The following TOPBP1 variants were observed in gnomAD, a reference collection of about 807,000 sequenced individuals.
The protein encoded by TOPBP1 is DNA topoisomerase II binding protein 1.
TOPBP1 carries 28 observed loss-of-function variants against 167.7 expected under a neutral mutation model. That is an observed-to-expected ratio of 0.17 (90% CI 0.12 to 0.23). The LOEUF is 0.23. TOPBP1 is among the 10% of genes least tolerant of loss of function. The probability of loss-of-function intolerance (pLI) is 1.00; values close to 1 mark genes in which losing one functional copy is unlikely to be tolerated. For missense variants in TOPBP1, 1,554 were observed against 1,809.6 expected (o/e 0.86, Z 2.56); for synonymous variants, 598 against 611.4 (o/e 0.98, Z 0.32).
In TOPBP1 at chr3:133,655,316, G is replaced by C. The variant is rs1285413267; in HGVS notation, c.716C>G (p.Thr239Arg). ...YMGQLKMNEC[T>R]HLIVQEPKGQ... The stretch of plus-strand genomic sequence containing the variant: ...TTTTGGTTCTTGCACAATGAGGTGT[G>C]TACATTCATTCATTTTCAATTGTCC... Residue 239 changes from threonine to arginine, a missense_variant, in exon 6 of 28, where the codon ACA becomes AGA. Thr to Arg is a moderately conservative substitution (Grantham distance 71). Coordinates refer to ENST00000260810, the MANE Select transcript of TOPBP1 (RefSeq NM_007027.4). 1 of 1,558,900 alleles carries C rather than the reference G, an allele frequency of 6.4e-7. No individual in the cohort carries two copies. Among genetic ancestry groups the C allele is most frequent in the Non-Finnish European group, 8.7e-7 (1 of 1,153,248 alleles).
chr3:133,631,757 T>C (rs1576297892), intron 14 of TOPBP1, among the ~76,000 whole-genome samples: 1 of 152,054 alleles, frequency 6.6e-6, no homozygotes, highest in Middle Eastern at 3.2e-3. Flanking sequence ...CTTGCCTCAG[T>C]CTCTCGAGTA....
chr3:133,658,030 T>TA, intron 3 of TOPBP1, 89 bp from the exon 4 acceptor site: 1 of 1,125,414 alleles, frequency 8.9e-7, no homozygotes, highest in Non-Finnish European at 1.2e-6. Context: ...ACCAATTCTT[T>TA]ACCAAAGTTG....
At chr3:133,619,427 C>A (rs1691322894) in intron 20 of TOPBP1, among the ~76,000 whole-genome samples, 1 of 152,194 alleles carries the variant, frequency 6.6e-6, no homozygotes. Flanking sequence ...AAATACAAGT[C>A]CCATAATTCT....
chr3:133,613,991 C>T (rs1421640493), intron 23 of TOPBP1, among the ~76,000 whole-genome samples: 1 of 151,938 alleles, frequency 6.6e-6, no homozygotes, highest in South Asian at 2.1e-4. Flanking sequence ...CGGGGTTTCA[C>T]CATGTTTGCC....
Position 133,618,206 on chromosome 3 carries a change from T to C in TOPBP1, c.3592+7A>G. ...ACAAACAAATGCAAAGATTTCTTTC[T>C]TGTTACCCTGTTTAGCAATTTCTGA... On this transcript the variant is annotated splice_region_variant and intron_variant, in intron 21 of 27. Transcript: ENST00000260810. 2 of 1,608,200 alleles carry C rather than the reference T, an allele frequency of 1.2e-6. No individual in the cohort carries two copies. The highest frequency in any genetic ancestry group is 1.3e-5 in the African/African-American group (1 of 74,934).
At position 133,601,153 on chromosome 3, in the gene TOPBP1, A is replaced by G; in HGVS notation, c.*97T>C. 9.7e-7 allele frequency: 1 copy of G among 1,032,680 alleles called. No homozygotes were observed. Among genetic ancestry groups the G allele is most frequent in the Non-Finnish European group, 1.4e-6 (1 of 710,952 alleles). 64.0% of individuals were successfully genotyped at this position (1,032,680 alleles called of 1,614,324 possible). On this transcript the variant is annotated 3_prime_UTR_variant, in exon 28 of 28. Coordinates refer to ENST00000260810, the MANE Select transcript of TOPBP1 (RefSeq NM_007027.4). Reference sequence around the variant, plus strand: ...TACTCTGAAGCAGAATTCTTCAGGTACTCATCTTTAAATTACTACCCAAAT... The same window carrying G: ...TACTCTGAAGCAGAATTCTTCAGGTGCTCATCTTTAAATTACTACCCAAAT...
In TOPBP1 at chr3:133,602,474, G is replaced by C. The variant is rs1010939666; in HGVS notation, c.4426-1081C>G. Among the ~76,000 whole-genome samples the C allele has an allele frequency of 3.3e-5, 5 of 152,174 alleles. No individual in the cohort carries two copies. In the East Asian group the frequency reaches 7.7e-4, roughly 23 times the overall value. On this transcript the variant is annotated intron_variant, in intron 27 of 27. Coordinates refer to ENST00000260810, the MANE Select transcript of TOPBP1 (RefSeq NM_007027.4). ...CTGACACTCAAACTGGTATACATGA[G>C]GGTAATTATAAAATACCATTTTTTA...
intron 14 of TOPBP1, among the ~76,000 whole-genome samples, chr3:133,631,418 T>C (rs1935474386): frequency 6.6e-6 from 1 of 152,206 alleles, no homozygotes; most frequent in Non-Finnish European, 1.5e-5. Context: ...TAATAAACGG[T>C]AGGGCTACTG....
chr3:133,631,975 C>G (rs748442852), intron 14 of TOPBP1, among the ~76,000 whole-genome samples: 3 of 152,048 alleles, frequency 2.0e-5, no homozygotes, highest in Non-Finnish European at 4.4e-5. Flanking sequence ...CATCTCCCCC[C>G]GCTATCTTTT....
At position 133,653,392 on chromosome 3, in the gene TOPBP1, G is replaced by A; in HGVS notation, c.875C>T (p.Thr292Ile). 1 of 1,611,982 alleles carries A rather than the reference G, an allele frequency of 6.2e-7. No individual in the cohort carries two copies. The highest frequency in any genetic ancestry group is 8.5e-7 in the Non-Finnish European group (1 of 1,179,322). Reference sequence around the variant, plus strand: ...GGTAGGAGTTGAAGAATTGGGCATAGTCTTTGCTTCTGGTCTAGGTTCTGT... The same window carrying A: ...GGTAGGAGTTGAAGAATTGGGCATAATCTTTGCTTCTGGTCTAGGTTCTGT... ...YKTEPRPEAK[T>I]MPNSSTPTSQ... The change falls in exon 7 of 28, where the codon ACT becomes ATT. Residue 292 changes from threonine to isoleucine, a missense_variant. Thr to Ile is a moderately conservative substitution (Grantham distance 89). This residue lies in a region of TOPBP1 where 1,197 missense variants were observed against 1,351.5 expected (regional missense o/e 0.89). Coordinates refer to ENST00000260810, the MANE Select transcript of TOPBP1 (RefSeq NM_007027.4).
chr3:133,650,157 A>C (rs999537458), intron 8 of TOPBP1, among the ~76,000 whole-genome samples: 2 of 152,184 alleles, frequency 1.3e-5, no homozygotes, highest in Non-Finnish European at 2.9e-5. Flanking sequence ...ATTATCTTTC[A>C]CAGTAGATAC....
chr3:133,654,527 A>G (rs1313010208), intron 6 of TOPBP1, among the ~76,000 whole-genome samples: 1 of 152,200 alleles, frequency 6.6e-6, no homozygotes, highest in African/African-American at 2.4e-5. Flanking sequence ...CCATACTCAA[A>G]GTTCTGACTT....
At chr3:133,627,946 T>C (rs969800113) in intron 16 of TOPBP1, among the ~76,000 whole-genome samples, 3 of 152,052 alleles carry the variant, frequency 2.0e-5, no homozygotes, top group Non-Finnish European at 4.4e-5. Context: ...CCAGAGTACT[T>C]AGTACTACTC....
At chr3:133,605,962 G>A (rs774351396) in intron 27 of TOPBP1, among the ~76,000 whole-genome samples, 3 of 152,184 alleles carry the variant, frequency 2.0e-5, no homozygotes, top group Non-Finnish European at 2.9e-5. Context: ...TTGGGAGGCC[G>A]AGGCAGGTGG....
At position 133,659,011 on chromosome 3, in the gene TOPBP1, C is replaced by T; in HGVS notation, c.219+5G>A. On this transcript the variant is annotated splice_donor_5th_base_variant and intron_variant, in intron 3 of 27. Coordinates refer to ENST00000260810, the MANE Select transcript of TOPBP1 (RefSeq NM_007027.4). The stretch of plus-strand genomic sequence containing the variant: ...ACCAAAGGTACACACTAGAAGTCAG[C>T]AAACCTTTTTGAGGTGATCAAAGAC... 6.3e-7 allele frequency: 1 copy of T among 1,593,338 alleles called. No homozygotes were observed. Among genetic ancestry groups the T allele is most frequent in the Non-Finnish European group, 8.5e-7 (1 of 1,171,248 alleles).
At chr3:133,658,189 C>T (rs757193772) in intron 3 of TOPBP1, among the ~76,000 whole-genome samples, 1 of 152,248 alleles carries the variant, frequency 6.6e-6, no homozygotes, top group African/African-American at 2.4e-5. Context: ...TCAGGCCAGG[C>T]ACAGTGGCTC....
chr3:133,632,640 C>T (rs1000760584), intron 14 of TOPBP1, among the ~76,000 whole-genome samples: 8 of 152,320 alleles, frequency 5.3e-5, no homozygotes, highest in African/African-American at 7.2e-5. Context: ...CTTCAGCACA[C>T]GTGCCACTAG....
chr3:133,615,464 A>T (rs1455215736), intron 23 of TOPBP1, among the ~76,000 whole-genome samples: 4 of 152,154 alleles, frequency 2.6e-5, no homozygotes, highest in African/African-American at 7.2e-5. Context: ...GAGACAGAGC[A>T]AGACTCTGTC....
At chr3:133,652,210 T>C (rs889449000) in intron 8 of TOPBP1, among the ~76,000 whole-genome samples, 3 of 151,872 alleles carry the variant, frequency 2.0e-5, no homozygotes, top group Non-Finnish European at 4.4e-5. Flanking sequence ...AAGATTAATG[T>C]AGTTAGGAGG....
Sources: gnomAD v4.1 joint callset for allele counts (sites outside exome capture counted in the v4.1 genomes callset) on GRCh38, gnomAD v4.1.1 for gene constraint, gnomAD v4.1.1 regional missense constraint, MANE v1.5 for transcripts, NCBI Gene and HGNC (gene_info 2026-07-23, HGNC 2026-07-21) for gene names.